CDH2: variants seen among roughly 807,000 people sequenced by gnomAD.
CDH2 encodes cadherin-2.
CDH2 carries 17 observed loss-of-function variants against 92.0 expected under a neutral mutation model. The ratio of observed to expected loss-of-function variants is 0.18; its 90% CI spans 0.13 to 0.28. The LOEUF is 0.28. Among genes scored for constraint, CDH2 ranks in the 10% least tolerant of loss-of-function variants. The pLI, the probability that CDH2 is intolerant of heterozygous loss-of-function variation, is 1.00. For synonymous variants in CDH2, 419 were observed against 415.9 expected, an observed-to-expected ratio of 1.01 and a Z score of -0.09; for missense variants, 862 against 1,133.1, an observed-to-expected ratio of 0.76 and a Z score of 3.44.
At chr18:28,081,947 G>A (rs1406979280) in intron 2 of CDH2, among the ~76,000 whole-genome samples, 11 of 152,064 alleles carry the variant, frequency 7.2e-5, no homozygotes, top group Non-Finnish European at 1.2e-4. Context: ...CATTTTCCTC[G>A]TCATCTTTTG....
intron 2 of CDH2, among the ~76,000 whole-genome samples, chr18:28,141,409 T>C (rs1019903812): frequency 1.3e-5 from 2 of 151,994 alleles, no homozygotes; most frequent in Non-Finnish European, 2.9e-5. Context: ...TTTGAAGTGA[T>C]GGAAGCATTT....
intron 2 of CDH2, among the ~76,000 whole-genome samples, chr18:28,057,657 ACT>A (rs34399536): frequency 0.035 from 5,326 of 150,526 alleles, 158 homozygotes; most frequent in African/African-American, 0.076. Context: ...ACAGGGCAAG[ACT>A]CTGTCTCAAA....
intron 2 of CDH2, among the ~76,000 whole-genome samples, chr18:28,064,712 TA>T (rs2014474028): frequency 6.6e-6 from 1 of 151,526 alleles, no homozygotes; most frequent in Non-Finnish European, 1.5e-5. Flanking sequence ...GTATGAACTA[TA>T]AAGTGAACAG....
At chr18:28,149,629 G>C (rs2016089952) in intron 1 of CDH2, among the ~76,000 whole-genome samples, 1 of 152,064 alleles carries the variant, frequency 6.6e-6, no homozygotes, top group Non-Finnish European at 1.5e-5. Context: ...ATAATGTTTT[G>C]AACACATACT....
At chr18:28,075,077 T>C (rs1172714938) in intron 2 of CDH2, among the ~76,000 whole-genome samples, 1 of 152,142 alleles carries the variant, frequency 6.6e-6, no homozygotes, top group Non-Finnish European at 1.5e-5. Flanking sequence ...ATTCACTCAT[T>C]CTATAGTTTT....
At chr18:28,047,544 G>T (rs1350696473) in intron 2 of CDH2, among the ~76,000 whole-genome samples, 1 of 152,232 alleles carries the variant, frequency 6.6e-6, no homozygotes, top group South Asian at 2.1e-4. Flanking sequence ...CGTAAGATTT[G>T]AGACTGACAT....
intron 2 of CDH2, among the ~76,000 whole-genome samples, chr18:28,064,137 G>GC (rs66739329): frequency 1.0e-5 from 1 of 96,052 alleles, no homozygotes; most frequent in Admixed American, 1.1e-4. Context: ...CCTCAAAAGA[G>GC]GGGGGGGTAG....
chr18:28,010,275 T>C (rs1391848968), intron 4 of CDH2, among the ~76,000 whole-genome samples: 2 of 152,198 alleles, frequency 1.3e-5, no homozygotes, highest in African/African-American at 4.8e-5. Flanking sequence ...CAAGAATTAA[T>C]TGTCTATCCA....
intron 2 of CDH2, among the ~76,000 whole-genome samples, chr18:28,018,752 G>A (rs985401032): frequency 6.6e-6 from 1 of 151,868 alleles, no homozygotes; most frequent in Admixed American, 6.6e-5. Flanking sequence ...CTATGAAAAG[G>A]AGTGTGGTAA....
intron 2 of CDH2, among the ~76,000 whole-genome samples, chr18:28,079,460 A>G (rs1378729764): frequency 4.6e-5 from 7 of 152,202 alleles, no homozygotes; most frequent in African/African-American, 1.7e-4. Context: ...ATTATTTGTT[A>G]TTCTATAGCT....
chr18:28,026,986 G>A (rs547516783), intron 2 of CDH2, among the ~76,000 whole-genome samples: 1 of 152,180 alleles, frequency 6.6e-6, no homozygotes, highest in East Asian at 1.9e-4. Context: ...AAAAGTTGAT[G>A]CCCTCCTCCC....
At chr18:28,119,179 CT>C (rs1053887068) in intron 2 of CDH2, among the ~76,000 whole-genome samples, 6 of 152,080 alleles carry the variant, frequency 3.9e-5, no homozygotes, top group Non-Finnish European at 8.8e-5. Context: ...CTTTGGGAAA[CT>C]TTTCCTGTGA....
In CDH2 at chr18:27,983,016, T is replaced by G; in HGVS notation, c.2277A>C (p.Leu759Phe). ...CTCTTACATCATCTTCTGGATCAAT[T>G]AAAAGTTGTTTGGCCTGGCGTTCTT... ...RDKERQAKQLLIDPEDDVRDN... is the reference protein window; with the variant it reads ...RDKERQAKQLFIDPEDDVRDN... Residue 759 changes from leucine to phenylalanine, a missense_variant, in exon 14 of 16, where the codon TTA (leucine) becomes TTC (phenylalanine). Leu to Phe is a conservative substitution (Grantham distance 22). Around this residue, in one of 5 missense-constraint regions of CDH2, gnomAD observed 564 missense variants for 722.2 expected, o/e 0.78. Transcript: ENST00000269141. The G allele has an allele frequency of 2.5e-6, 4 of 1,612,084 alleles. No homozygotes were observed. The highest frequency in any genetic ancestry group is 3.4e-6 in the Non-Finnish European group (4 of 1,178,270).
chr18:28,115,444 G>A (rs1351608595), intron 2 of CDH2, among the ~76,000 whole-genome samples: 2 of 152,164 alleles, frequency 1.3e-5, no homozygotes, highest in Non-Finnish European at 2.9e-5. Context: ...CTTAGCAGAA[G>A]TGAAACCAGT....
At chr18:28,007,156 T>TA (rs753614802) in intron 5 of CDH2, among the ~76,000 whole-genome samples, 1,470 of 106,608 alleles carry the variant, frequency 0.014, 33 homozygotes, top group African/African-American at 0.026. Context: ...TGAGACTCCA[T>TA]AAAAAAAAAA....
At chr18:27,939,952 A>G (rs1466872839) in intron 6 of CDH2, among the ~76,000 whole-genome samples, 1 of 152,150 alleles carries the variant, frequency 6.6e-6, no homozygotes, top group African/African-American at 2.4e-5. Context: ...ATACTGGGCT[A>G]TATAGGCGTG....
intron 14 of CDH2, among the ~76,000 whole-genome samples, chr18:27,970,213 T>A (rs2011623053): frequency 6.6e-6 from 1 of 152,106 alleles, no homozygotes; most frequent in Non-Finnish European, 1.5e-5. Flanking sequence ...TACATTCCTA[T>A]AAAGAGAAAC....
downstream of CDH2, among the ~76,000 whole-genome samples, chr18:27,948,175 C>T (rs1909323626): frequency 1.4e-5 from 2 of 146,270 alleles, no homozygotes; most frequent in Admixed American, 6.9e-5. Context: ...GAATGCATTC[C>T]ACATGGTTGG....
At chr18:28,005,020 A>T (rs1301360848) in intron 6 of CDH2, among the ~76,000 whole-genome samples, 1 of 152,234 alleles carries the variant, frequency 6.6e-6, no homozygotes, top group Non-Finnish European at 1.5e-5. Flanking sequence ...GCTTTTAAAA[A>T]TACAAAACAA....
Sources: allele counts gnomAD v4.1 joint callset (sites outside exome capture counted in the v4.1 genomes callset), GRCh38; gene constraint gnomAD v4.1.1; regional missense constraint gnomAD v4.1.1; transcripts MANE v1.5; gene names NCBI Gene and HGNC (gene_info 2026-07-23, HGNC 2026-07-21).